ZC3H12C: variants seen among roughly 807,000 people sequenced by gnomAD.
The protein encoded by ZC3H12C is zinc finger CCCH-type containing 12C.
Under a neutral mutation model 76.3 loss-of-function variants are expected in ZC3H12C, and 20 were observed. The ratio of observed to expected loss-of-function variants is 0.26; its 90% confidence interval spans 0.18 to 0.38. The LOEUF (loss-of-function observed/expected upper bound fraction) is 0.38. ZC3H12C is among the 10% of genes least tolerant of loss of function. The probability of loss-of-function intolerance (pLI) is 1.00; values close to 1 mark genes in which losing one functional copy is unlikely to be tolerated. For missense variants in ZC3H12C, 874 were observed against 1,086.5 expected, an observed-to-expected ratio of 0.80 and a Z score of 2.75; for synonymous variants, 352 against 399.6, an observed-to-expected ratio of 0.88 and a Z score of 1.42.
intron 1 of ZC3H12C, among the ~76,000 whole-genome samples, chr11:110,098,429 A>T (rs1043576047): frequency 6.6e-6 from 1 of 152,218 alleles, no homozygotes; most frequent in Non-Finnish European, 1.5e-5. Flanking sequence ...TTTATTGAAG[A>T]AAGAAAAATT....
intron 1 of ZC3H12C, among the ~76,000 whole-genome samples, chr11:110,103,001 T>C (rs750354531): frequency 2.6e-5 from 4 of 152,312 alleles, no homozygotes; most frequent in African/African-American, 2.4e-5. Context: ...ACTTTTATAT[T>C]CACTGGGAAA....
chr11:110,132,986 C>A (rs957382903), intron 1 of ZC3H12C, among the ~76,000 whole-genome samples: 3 of 151,996 alleles, frequency 2.0e-5, no homozygotes, highest in African/African-American at 7.2e-5. Flanking sequence ...AGATTATATA[C>A]CATTCTTTCT....
At chr11:110,157,143 C>G (rs1389928950) in intron 3 of ZC3H12C, among the ~76,000 whole-genome samples, 1 of 149,174 alleles carries the variant, frequency 6.7e-6, no homozygotes, top group Non-Finnish European at 1.5e-5. Context: ...CGCACCAGTG[C>G]ACTCCAGCCT....
chr11:110,128,754 A>G (rs903895040), intron 1 of ZC3H12C, among the ~76,000 whole-genome samples: 3 of 152,018 alleles, frequency 2.0e-5, no homozygotes, highest in Non-Finnish European at 2.9e-5. Context: ...TTTCATATTT[A>G]TCCTACTCAA....
intron 3 of ZC3H12C, among the ~76,000 whole-genome samples, chr11:110,157,160 C>T (rs887011634): frequency 9.9e-5 from 14 of 141,886 alleles, no homozygotes; most frequent in Admixed American, 9.6e-4. Context: ...GCCTGGGTGA[C>T]GGAGCAAGAC....
chr11:110,137,757 A>G (rs1565260829), intron 2 of ZC3H12C, among the ~76,000 whole-genome samples: 1 of 152,244 alleles, frequency 6.6e-6, no homozygotes, highest in Non-Finnish European at 1.5e-5. Flanking sequence ...CAACAATTTT[A>G]GAATCTAGTC....
In ZC3H12C at chr11:110,118,045, CAT is replaced by C. The variant is rs1384071310; in HGVS notation, c.22-18611_22-18610del. On this transcript the variant is annotated intron_variant, in intron 1 of 5. Coordinates refer to ENST00000278590, the MANE Select transcript of ZC3H12C (RefSeq NM_033390.2). ...CACATATATATTATATATATATACA[CAT>C]ATATATTATATATATACACACACAC... Among the ~76,000 whole-genome samples, 66 of 121,864 alleles carry C rather than the reference CAT, an allele frequency of 5.4e-4. 20 individuals are homozygous for C. Among genetic ancestry groups the C allele is most frequent in the Non-Finnish European group, 9.9e-4 (58 of 58,412 alleles). The allele number at this position is 121,864 out of a possible 152,430, so 79.9% of individuals were successfully genotyped here.
At chr11:110,151,900 GGTTCTAGGGTTTCCCAGGGAACCCTA>G (rs1333995349) in intron 2 of ZC3H12C, among the ~76,000 whole-genome samples, 963 of 18,428 alleles carry the variant, frequency 0.052, 4 homozygotes, top group Non-Finnish European at 0.12. Flanking sequence ...TATGTTAGAT[GGTTCTAGGGTTTCCCAGGGAACCCTA>G]GAACAAAATA....
chr11:110,154,326 C>T (rs940548946), intron 3 of ZC3H12C, among the ~76,000 whole-genome samples: 5 of 150,302 alleles, frequency 3.3e-5, no homozygotes, highest in East Asian at 3.9e-4. Context: ...GGTGAGATCA[C>T]GCCACTGCAC....
At chr11:110,120,426 C>A (rs1163739426) in intron 1 of ZC3H12C, among the ~76,000 whole-genome samples, 3 of 152,106 alleles carry the variant, frequency 2.0e-5, no homozygotes, top group Non-Finnish European at 4.4e-5. Flanking sequence ...ATTTTGGCTA[C>A]GCTCAGGGCC....
intron 2 of ZC3H12C, among the ~76,000 whole-genome samples, chr11:110,145,331 T>C (rs1862143905): frequency 1.3e-5 from 2 of 152,178 alleles, no homozygotes; most frequent in African/African-American, 4.8e-5. Flanking sequence ...ACAAAGTGAA[T>C]TTACAGAAAA....
In ZC3H12C at chr11:110,165,473, C is replaced by T. The variant is rs761656832; in HGVS notation, c.2388C>T (p.Pro796=). 7 of 1,613,866 alleles carry T rather than the reference C, an allele frequency of 4.3e-6. No homozygotes were observed. Among genetic ancestry groups the T allele is most frequent in the African/African-American group, 4.0e-5 (3 of 74,906 alleles). The change falls in exon 6 of 6, where the codon CCC becomes CCT. Residue 796 remains proline (P), a synonymous_variant. Coordinates refer to ENST00000278590, the MANE Select transcript of ZC3H12C (RefSeq NM_033390.2). The part of the protein sequence containing the change: ...AYGYRQTYSL[P]DNSTQPCYEQ... ...GGTACCGGCAGACTTATTCCTTGCC[C>T]GATAACTCCACACAGCCGTGTTATG...
intron 1 of ZC3H12C, among the ~76,000 whole-genome samples, chr11:110,127,427 C>G (rs899544040): frequency 6.6e-6 from 1 of 152,060 alleles, no homozygotes; most frequent in Admixed American, 6.6e-5. Flanking sequence ...TTACTCTATT[C>G]TTTTACACTA....
rs1037608393 is a variant in ZC3H12C at position 110,170,143 on chromosome 11, A to C, written c.*4406A>C. The C allele has an allele frequency of 6.6e-6, 1 of 152,126 alleles. No individual in the cohort carries two copies. Among genetic ancestry groups the C allele is most frequent in the Admixed American group, 6.5e-5 (1 of 15,284 alleles). 9.4% of individuals were successfully genotyped at this position (152,126 alleles called of 1,614,324 possible). On this transcript the variant is annotated 3_prime_UTR_variant, in exon 6 of 6. Coordinates refer to ENST00000278590, the MANE Select transcript of ZC3H12C (RefSeq NM_033390.2). Reference sequence around the variant, plus strand: ...ATGTTAAAGCATCTTAATTCATTTGAGTTTTCTTACCTGTTTACACCCATT... The same window carrying C: ...ATGTTAAAGCATCTTAATTCATTTGCGTTTTCTTACCTGTTTACACCCATT...
chr11:110,137,005 A>C lies in ZC3H12C; in HGVS notation c.364A>C (p.Arg122=), dbSNP rs1043597052. The C allele has an allele frequency of 1.2e-6, 2 of 1,613,694 alleles. No homozygotes were observed. The highest frequency in any genetic ancestry group is 1.7e-6 in the Non-Finnish European group (2 of 1,179,884). Residue 122 remains arginine, a synonymous_variant, in exon 2 of 6, where the codon AGG becomes CGG. Transcript: ENST00000278590. ...AACTAAGACTCACAGACAGCTCTGC[A>C]GGTCTCCCTGTTTAGAGCCTCACAT... ...LITKTHRQLC[R]SPCLEPHILK...
intron 1 of ZC3H12C, among the ~76,000 whole-genome samples, chr11:110,117,149 A>C (rs1303637389): frequency 6.6e-6 from 1 of 152,190 alleles, no homozygotes; most frequent in African/African-American, 2.4e-5. Flanking sequence ...AAATCAACAA[A>C]ATAGTGGTGG....
At position 110,098,560 on chromosome 11, in the gene ZC3H12C, T is replaced by G. The variant is rs1462976853; in HGVS notation, c.21+5128T>G. Among the ~76,000 whole-genome samples the G allele has an allele frequency of 2.0e-5, 3 of 152,216 alleles. No homozygotes were observed. The South Asian group carries it at 6.2e-4, about 32-fold the overall frequency. On this transcript the variant is annotated intron_variant, in intron 1 of 5. Coordinates refer to ENST00000278590, the MANE Select transcript of ZC3H12C (RefSeq NM_033390.2). Reference sequence around the variant, plus strand: ...ACTCACTGACTTATCCAGAGCAACTTCTAGTCTTACAAGCTTCATTCATGG... The same window carrying G: ...ACTCACTGACTTATCCAGAGCAACTGCTAGTCTTACAAGCTTCATTCATGG...
At chr11:110,113,695 C>A (rs922333385) in intron 1 of ZC3H12C, among the ~76,000 whole-genome samples, 2 of 152,224 alleles carry the variant, frequency 1.3e-5, no homozygotes, top group Non-Finnish European at 2.9e-5. Flanking sequence ...CCTTGACCCA[C>A]ATCCTCTTCT....
rs1329450149 is a variant in ZC3H12C, at chr11:110,136,833, A to T, written c.192A>T (p.Glu64Asp). ...CAGCTGTACCTTGGTCAACAGTAGA[A>T]AACCCAAGTATGGATACCGTTAATG... ...LSPAVPWSTVENPSMDTVNVG... is the reference protein window; with the variant it reads ...LSPAVPWSTVDNPSMDTVNVG... Residue 64 changes from glutamate (E) to aspartate (D), a missense_variant, in exon 2 of 6, where the codon GAA (glutamate) becomes GAT (aspartate). By Grantham distance (45) the Glu-to-Asp change is conservative. Transcript: ENST00000278590. 2 of 1,613,816 alleles carry T rather than the reference A, an allele frequency of 1.2e-6. No homozygotes were observed. Among genetic ancestry groups the T allele is most frequent in the East Asian group, 4.5e-5 (2 of 44,884 alleles).
Sources: allele counts gnomAD v4.1 joint callset (sites outside exome capture counted in the v4.1 genomes callset), GRCh38; gene constraint gnomAD v4.1.1; transcripts MANE v1.5; gene names NCBI Gene and HGNC (gene_info 2026-07-23, HGNC 2026-07-21).